Variants in CPSF6 observed in about 807,000 individuals in gnomAD.
CPSF6 encodes cleavage and polyadenylation specificity factor subunit 6.
In CPSF6, 10 loss-of-function variants were observed where a neutral mutation model predicts 56.7. That is an observed-to-expected ratio of 0.18 (90% CI 0.11 to 0.30). The LOEUF (loss-of-function observed/expected upper bound fraction) is 0.30, where lower values mean the gene tolerates loss of function less well. Among genes scored for constraint, CPSF6 ranks in the 10% least tolerant of loss-of-function variants. The pLI is 1.00. For missense variants in CPSF6, 419 were observed against 722.9 expected (o/e 0.58, Z 4.82); for synonymous variants, 248 against 244.8 (o/e 1.01, Z -0.12).
In CPSF6 at chr12:69,258,765, T is replaced by A; in HGVS notation, c.870T>A (p.Gly290=). The change falls in exon 6 of 10, where the codon GGT becomes GGA. Residue 290 remains glycine (G), a synonymous_variant. Coordinates refer to ENST00000435070, the MANE Select transcript of CPSF6 (RefSeq NM_007007.3). This position sits in a 1 kb window ranked among gnomAD's most constrained non-coding sequence, Gnocchi z 4.2. ...PGQPFGQPPL[G]PLPPGPPPPV... ...AACCTTTTGGGCAGCCTCCATTGGGTCCACTTCCTCCTGGCCCTCCACCTC... is the reference window on the plus strand; with the variant it reads ...AACCTTTTGGGCAGCCTCCATTGGGACCACTTCCTCCTGGCCCTCCACCTC... The A allele has an allele frequency of 1.2e-6, 2 of 1,613,844 alleles. No homozygotes were observed. The highest frequency in any genetic ancestry group is 1.7e-6 in the Non-Finnish European group (2 of 1,179,956).
rs1873205677 is a variant in CPSF6 at position 69,270,808 on chromosome 12, C to G, written c.*1300C>G. The stretch of plus-strand genomic sequence containing the variant: ...TGCAAAATTGGCAGAGGCAGGGTGT[C>G]AACTTGATTAGGTGTTTTTATGGGA... On this transcript the variant is annotated 3_prime_UTR_variant, in exon 10 of 10. Transcript: ENST00000435070. 3 of 151,644 alleles carry G rather than the reference C, an allele frequency of 2.0e-5. No homozygotes were observed. The South Asian group carries it at 6.2e-4, about 31-fold the overall frequency. 9.4% of individuals were successfully genotyped at this position (151,644 alleles called of 1,614,324 possible).
chr12:69,250,608 GA>G (rs61008772), intron 1 of CPSF6, among the ~76,000 whole-genome samples: 2 of 133,332 alleles, frequency 1.5e-5, no homozygotes, highest in East Asian at 2.2e-4. Context: ...AAAAAAAAAA[GA>G]AAAAAAAGAA....
chr12:69,258,002 T>G lies in CPSF6; in HGVS notation c.694+97T>G. On this transcript the variant is annotated intron_variant, in intron 5 of 9. Coordinates refer to ENST00000435070, the MANE Select transcript of CPSF6 (RefSeq NM_007007.3). The surrounding 1 kb of genome is among the most constrained non-coding windows in gnomAD (Gnocchi z 4.2). ...CAAGTAATGCATTATTAATGTGACTTACTCTCCTTGTTATGCTATTTTTGG... is the reference window on the plus strand; with the variant it reads ...CAAGTAATGCATTATTAATGTGACTGACTCTCCTTGTTATGCTATTTTTGG... 6.5e-7 allele frequency: 1 copy of G among 1,537,946 alleles called. No individual in the cohort carries two copies. Among genetic ancestry groups the G allele is most frequent in the South Asian group, 1.2e-5 (1 of 85,776 alleles).
chr12:69,252,215 A>AG, intron 2 of CPSF6: 1 of 391,286 alleles, frequency 2.6e-6, no homozygotes, highest in South Asian at 1.8e-5. Context: ...CTAGGACCAC[A>AG]GGCATGTGTC....
At chr12:69,244,770 C>G (rs549339096) in intron 1 of CPSF6, among the ~76,000 whole-genome samples, 1 of 151,874 alleles carries the variant, frequency 6.6e-6, no homozygotes, top group African/African-American at 2.4e-5. Context: ...TCAGGATTAT[C>G]AATATCACTG....
intron 9 of CPSF6, among the ~76,000 whole-genome samples, chr12:69,267,863 A>T (rs527449179): frequency 5.3e-5 from 8 of 151,844 alleles, no homozygotes; most frequent in Non-Finnish European, 1.2e-4. Flanking sequence ...CAATTTTACA[A>T]ATGGGATTCT....
At chr12:69,244,696 T>C (rs906771806) in intron 1 of CPSF6, among the ~76,000 whole-genome samples, 5 of 29,548 alleles carry the variant, frequency 1.7e-4, no homozygotes, top group African/African-American at 5.9e-4. Flanking sequence ...GAACCTGGTC[T>C]TTTTTTTTTT....
Position 69,263,765 on chromosome 12 carries a change from A to G in CPSF6, c.*3+1203A>G, listed in dbSNP as rs139995666. 5.3e-5 allele frequency among the ~76,000 whole-genome samples: 8 copies of G among 152,208 alleles called. No individual in the cohort carries two copies. In the East Asian group the frequency reaches 1.3e-3, roughly 26 times the overall value. On this transcript the variant is annotated intron_variant, in intron 9 of 9. Transcript: ENST00000435070. ...ACGCAAATGAAGTCCTTAAATGCCT[A>G]GAAAATAAGCATGCTATTTTTATGG...
In CPSF6 at chr12:69,258,527, TA is replaced by T; in HGVS notation, c.695-59del. ...GCGTTTAAAGTATAATCTTGGCATA[TA>T]AAAGTTAAAATATCTTATTAGTGAA... is the stretch of plus-strand genomic sequence containing the variant. On this transcript the variant is annotated intron_variant, in intron 5 of 9. Transcript: ENST00000435070. The surrounding 1 kb of genome is among the most constrained non-coding windows in gnomAD (Gnocchi z 4.2). 1 of 1,494,272 alleles carries T rather than the reference TA, an allele frequency of 6.7e-7. No homozygotes were observed. Among genetic ancestry groups the T allele is most frequent in the South Asian group, 1.3e-5 (1 of 74,740 alleles). 92.6% of individuals were successfully genotyped at this position (1,494,272 alleles called of 1,614,324 possible).
At chr12:69,245,582 C>G (rs2120439876) in intron 1 of CPSF6, among the ~76,000 whole-genome samples, 1 of 152,196 alleles carries the variant, frequency 6.6e-6, no homozygotes, top group East Asian at 1.9e-4. Context: ...AGTTACCATT[C>G]TTTTATGTTT....
chr12:69,240,539 G>T (rs1871559952), intron 1 of CPSF6, among the ~76,000 whole-genome samples: 1 of 152,126 alleles, frequency 6.6e-6, no homozygotes, highest in Admixed American at 6.5e-5. Flanking sequence ...AAGCGCGATG[G>T]TTGGATGGAA....
chr12:69,248,365 G>A (rs75737671), intron 1 of CPSF6, among the ~76,000 whole-genome samples: 1,746 of 152,162 alleles, frequency 0.011, 15 homozygotes, highest in Non-Finnish European at 0.016. Flanking sequence ...TATAGTTTCT[G>A]CTGAGGAGGA....
chr12:69,265,922 T>C (rs1872959086), intron 9 of CPSF6, among the ~76,000 whole-genome samples: 1 of 151,982 alleles, frequency 6.6e-6, no homozygotes, highest in Non-Finnish European at 1.5e-5. Context: ...GATTACTTTT[T>C]TCCTACCTTA....
Position 69,251,247 on chromosome 12 carries a change from T to C in CPSF6, c.179T>C (p.Val60Ala). 1.2e-6 allele frequency: 2 copies of C among 1,613,078 alleles called. No individual in the cohort carries two copies. The highest frequency in any genetic ancestry group is 1.7e-6 in the Non-Finnish European group (2 of 1,179,862). ...RDYMDTLPPTVGDDVGKGAAP... is the reference protein window; with the variant it reads ...RDYMDTLPPTAGDDVGKGAAP... ...TACATGGATACTCTCCCACCAACTG[T>C]TGGTGATGATGTGGGTAAAGGAGCA... The change falls in exon 2 of 10, where the codon GTT (valine) becomes GCT (alanine). Residue 60 changes from valine (V) to alanine (A), a missense_variant. By Grantham distance (64) the Val-to-Ala change is moderately conservative. Around this residue, in one of 4 missense-constraint regions of CPSF6, gnomAD observed 125 missense variants for 216.4 expected, o/e 0.58. Transcript: ENST00000435070.
chr12:69,265,359 C>T (rs1397395929), intron 9 of CPSF6, among the ~76,000 whole-genome samples: 1 of 152,144 alleles, frequency 6.6e-6, no homozygotes, highest in Non-Finnish European at 1.5e-5. Context: ...AGTTGAGTTA[C>T]TTAAAAGGTT....
intron 1 of CPSF6, among the ~76,000 whole-genome samples, chr12:69,241,984 T>C (rs1871647149): frequency 6.6e-6 from 1 of 152,212 alleles, no homozygotes; most frequent in Admixed American, 6.5e-5. Flanking sequence ...TATCTTGTTT[T>C]TAAAAATATG....
chr12:69,263,954 T>C (rs901413419), intron 9 of CPSF6, among the ~76,000 whole-genome samples: 32 of 152,086 alleles, frequency 2.1e-4, no homozygotes, highest in Non-Finnish European at 3.4e-4. Context: ...AAACATTCTT[T>C]TAATATGAGG....
At chr12:69,263,748 G>A (rs1872849845) in intron 9 of CPSF6, among the ~76,000 whole-genome samples, 1 of 151,986 alleles carries the variant, frequency 6.6e-6, no homozygotes, top group African/African-American at 2.4e-5. Flanking sequence ...ATACGCAAAT[G>A]AAGTCCTTAA....
At chr12:69,256,193 G>A (rs1872500812) in intron 3 of CPSF6, among the ~76,000 whole-genome samples, 1 of 152,158 alleles carries the variant, frequency 6.6e-6, no homozygotes, top group South Asian at 2.1e-4. Flanking sequence ...ACAGAAATTA[G>A]GTTTAGTGGT....
Sources: gnomAD v4.1 joint callset for allele counts (sites outside exome capture counted in the v4.1 genomes callset) on GRCh38, gnomAD v4.1.1 for gene constraint, gnomAD v4.1.1 regional missense constraint, Gnocchi (gnomAD v3.1) non-coding constraint, MANE v1.5 for transcripts, NCBI Gene and HGNC (gene_info 2026-07-23, HGNC 2026-07-21) for gene names.